Variants in RBMS3 observed in about 807,000 individuals in gnomAD.
RBMS3 encodes the protein RNA-binding motif, single-stranded-interacting protein 3.
Under a neutral mutation model 66.8 loss-of-function variants are expected in RBMS3, and 27 were observed. That is an observed-to-expected ratio of 0.40 (90% CI 0.30 to 0.56). The LOEUF (loss-of-function observed/expected upper bound fraction) is 0.56. Ranked by LOEUF, RBMS3 falls within the 20% of genes least tolerant of loss-of-function variation. The pLI is 0.40. For missense variants in RBMS3, 513 were observed against 549.5 expected (o/e 0.93, Z 0.66); for synonymous variants, 188 against 183.0 (o/e 1.03, Z -0.22).
At chr3:29,356,121 A>T (rs1443621145) in intron 1 of RBMS3, among the ~76,000 whole-genome samples, 2 of 152,198 alleles carry the variant, frequency 1.3e-5, no homozygotes, top group African/African-American at 4.8e-5. Flanking sequence ...TATCATCCAG[A>T]GAAAAGTCCT....
chr3:29,444,488 A>G (rs1285437071), intron 2 of RBMS3, among the ~76,000 whole-genome samples: 1 of 152,118 alleles, frequency 6.6e-6, no homozygotes, highest in Non-Finnish European at 1.5e-5. Context: ...TGAGAAACCA[A>G]GAAAGAAGTT....
intron 4 of RBMS3, chr3:29,614,680 A>G (rs1323065913): frequency 6.6e-6 from 1 of 152,210 alleles, no homozygotes; most frequent in African/African-American, 2.4e-5. Flanking sequence ...TAATAGCCTT[A>G]TCTCATATAT....
chr3:29,668,145 C>G (rs557836949), intron 4 of RBMS3, among the ~76,000 whole-genome samples: 2 of 152,242 alleles, frequency 1.3e-5, no homozygotes, highest in East Asian at 3.9e-4. Flanking sequence ...GTATTTCAGA[C>G]TAAGAGCCTT....
chr3:29,843,872 C>T (rs190809590), intron 6 of RBMS3, among the ~76,000 whole-genome samples: 2 of 151,876 alleles, frequency 1.3e-5, no homozygotes, highest in African/African-American at 2.4e-5. Context: ...TCACTTGAAC[C>T]GGGAAGCGGG....
chr3:29,342,802 A>G (rs1006453330), intron 1 of RBMS3, among the ~76,000 whole-genome samples: 2 of 152,140 alleles, frequency 1.3e-5, no homozygotes, highest in African/African-American at 4.8e-5. Context: ...TGTTTGAGAA[A>G]GAGTTGAGGA....
intron 3 of RBMS3, among the ~76,000 whole-genome samples, chr3:29,543,527 A>G (rs2045841283): frequency 6.6e-6 from 1 of 152,040 alleles, no homozygotes. Context: ...TGGGCAACAT[A>G]GTGAGACCCC....
rs2031771163 is a variant in RBMS3, at chr3:29,281,472, G to GC, written c.-207dup. The GC allele has an allele frequency of 3.7e-5, 16 of 430,436 alleles. No homozygotes were observed. In the East Asian group the frequency reaches 4.0e-4, roughly 11 times the overall value. The allele number at this position is 430,436 out of a possible 1,614,324, so 26.7% of individuals were successfully genotyped here. A position where few individuals can be genotyped will look rare whatever the true frequency, so the allele number is the denominator to read the frequency against. ...GTTTTTTCTACAGATCTCACTCCTC[G>GC]CCCTTTTTTTTTTTCCTTTGGTGTG... On this transcript the variant is annotated 5_prime_UTR_variant, in exon 1 of 15. Coordinates refer to ENST00000383767, the MANE Select transcript of RBMS3 (RefSeq NM_001003793.3).
chr3:29,624,196 T>C (rs1048256208), intron 4 of RBMS3, among the ~76,000 whole-genome samples: 11 of 152,232 alleles, frequency 7.2e-5, no homozygotes, highest in African/African-American at 2.7e-4. Context: ...TTGTTTTATA[T>C]GAGGGTTTTA....
intron 1 of RBMS3, among the ~76,000 whole-genome samples, chr3:29,397,106 A>T (rs765298646): frequency 7.9e-5 from 12 of 152,156 alleles, no homozygotes; most frequent in Non-Finnish European, 1.6e-4. Context: ...TTCAATATGA[A>T]CTTCAAATCA....
chr3:29,864,477 A>G (rs1227329609), intron 6 of RBMS3, among the ~76,000 whole-genome samples: 1 of 152,112 alleles, frequency 6.6e-6, no homozygotes, highest in Non-Finnish European at 1.5e-5. Context: ...CTTTTCCATC[A>G]ACACATCTTT....
At chr3:29,914,436 A>C (rs1415704003) in intron 10 of RBMS3, among the ~76,000 whole-genome samples, 1 of 151,844 alleles carries the variant, frequency 6.6e-6, no homozygotes, top group African/African-American at 2.4e-5. Flanking sequence ...TGCTGGAGAG[A>C]ATAGATGAGA....
At chr3:29,705,905 G>T (rs536088220) in intron 4 of RBMS3, among the ~76,000 whole-genome samples, 1 of 152,272 alleles carries the variant, frequency 6.6e-6, no homozygotes, top group Non-Finnish European at 1.5e-5. Flanking sequence ...TTTGTTTACT[G>T]CCTGAAAACA....
intron 1 of RBMS3, among the ~76,000 whole-genome samples, chr3:29,413,413 CATACAT>C (rs1559341256): frequency 1.3e-4 from 19 of 151,106 alleles, no homozygotes; most frequent in East Asian, 7.8e-4. Context: ...TACATACATA[CATACAT>C]ACATACACAG....
chr3:29,790,904 T>C (rs1351509653), intron 6 of RBMS3, among the ~76,000 whole-genome samples: 1 of 152,202 alleles, frequency 6.6e-6, no homozygotes, highest in African/African-American at 2.4e-5. Context: ...CTTTTAATTC[T>C]TTTTGGTGAA....
intron 1 of RBMS3, among the ~76,000 whole-genome samples, chr3:29,396,705 G>A (rs1024666067): frequency 6.6e-6 from 1 of 152,080 alleles, no homozygotes; most frequent in Admixed American, 6.6e-5. Flanking sequence ...GGTGAATCTA[G>A]GGAAAAGATA....
intron 6 of RBMS3, among the ~76,000 whole-genome samples, chr3:29,771,311 T>G (rs866466934): frequency 2.7e-4 from 41 of 152,178 alleles, no homozygotes; most frequent in African/African-American, 9.6e-4. Flanking sequence ...AACTTTGATG[T>G]TTATCTCTCC....
chr3:29,787,903 A>T (rs1559671911), intron 6 of RBMS3, among the ~76,000 whole-genome samples: 1 of 152,324 alleles, frequency 6.6e-6, no homozygotes, highest in East Asian at 1.9e-4. Flanking sequence ...GGGAAATTTT[A>T]AACTTCATTA....
At chr3:29,613,043 G>A in intron 4 of RBMS3, among the ~76,000 whole-genome samples, 1 of 152,088 alleles carries the variant, frequency 6.6e-6, no homozygotes, top group Admixed American at 6.6e-5. Flanking sequence ...ATTCGTGTGT[G>A]TATGACAGAG....
At chr3:29,970,706 C>A (rs1697172143) in intron 12 of RBMS3, among the ~76,000 whole-genome samples, 1 of 152,144 alleles carries the variant, frequency 6.6e-6, no homozygotes, top group African/African-American at 2.4e-5. Flanking sequence ...TTTTCAAGGG[C>A]ATTAATAATC....
Sources: gnomAD v4.1 joint callset for allele counts (sites outside exome capture counted in the v4.1 genomes callset) on GRCh38, gnomAD v4.1.1 for gene constraint, MANE v1.5 for transcripts, NCBI Gene and HGNC (gene_info 2026-07-23, HGNC 2026-07-21) for gene names.